Variants in DAGLA observed in about 807,000 individuals in gnomAD.
DAGLA encodes the protein diacylglycerol lipase-alpha.
A neutral mutation model predicts 102.6 loss-of-function variants in DAGLA; 22 were observed. That is an observed-to-expected ratio of 0.21 (90% CI 0.15 to 0.31). The LOEUF (loss-of-function observed/expected upper bound fraction) is 0.31, where lower values mean the gene tolerates loss of function less well. Among genes scored for constraint, DAGLA ranks in the 10% least tolerant of loss-of-function variants. The pLI is 1.00. For missense variants in DAGLA, 927 were observed against 1,446.6 expected (o/e 0.64, Z 5.83); for synonymous variants, 578 against 628.9 (o/e 0.92, Z 1.21).
intron 8 of DAGLA, 79 bp downstream of exon 8, chr11:61,729,087 C>T (rs1052695085): frequency 7.5e-7 from 1 of 1,334,062 alleles, no homozygotes; most frequent in Non-Finnish European, 1.1e-6. Flanking sequence ...AAACTCCTCC[C>T]AGCTGCCCTT....
chr11:61,710,652 T>TTCCA (rs1171587802), intron 1 of DAGLA, among the ~76,000 whole-genome samples: 1 of 152,016 alleles, frequency 6.6e-6, no homozygotes, highest in Non-Finnish European at 1.5e-5. Flanking sequence ...GTCAGAGGAT[T>TTCCA]ATGCAGGCTG....
chr11:61,687,291 C>T (rs1397365162), intron 1 of DAGLA, among the ~76,000 whole-genome samples: 1 of 152,090 alleles, frequency 6.6e-6, no homozygotes, highest in East Asian at 1.9e-4. Flanking sequence ...CACACAATCC[C>T]ACCTCCTCCA....
intron 9 of DAGLA, among the ~76,000 whole-genome samples, chr11:61,732,705 C>T (rs1322619503): frequency 6.6e-6 from 1 of 152,146 alleles, no homozygotes; most frequent in Non-Finnish European, 1.5e-5. Context: ...AGGCCCCTGC[C>T]TGGAAGAACC....
chr11:61,687,671 C>G (rs902093775), intron 1 of DAGLA, among the ~76,000 whole-genome samples: 2 of 152,220 alleles, frequency 1.3e-5, no homozygotes, highest in Non-Finnish European at 2.9e-5. Context: ...ATCTGAATAG[C>G]GCTGGCGCCC....
At chr11:61,699,537 G>T (rs558193826) in intron 1 of DAGLA, among the ~76,000 whole-genome samples, 4 of 152,296 alleles carry the variant, frequency 2.6e-5, no homozygotes, top group Non-Finnish European at 5.9e-5. Context: ...GGCATCCCTG[G>T]CCCTGAGGTC....
At chr11:61,692,828 G>A (rs554364592) in intron 1 of DAGLA, among the ~76,000 whole-genome samples, 2 of 152,004 alleles carry the variant, frequency 1.3e-5, no homozygotes, top group South Asian at 4.1e-4. Flanking sequence ...CAATAATGAG[G>A]AAAGATGGCG....
intron 6 of DAGLA, among the ~76,000 whole-genome samples, 152 bp from the exon 7 acceptor site, chr11:61,728,000 TG>T (rs1311683712): frequency 6.6e-6 from 1 of 152,128 alleles, no homozygotes; most frequent in Admixed American, 6.5e-5. Flanking sequence ...TCAGGCTCAG[TG>T]GGCGCTGTGG....
chr11:61,686,417 T>C lies in DAGLA; in HGVS notation c.-45+5913T>C, dbSNP rs2064985788. ...GAGGGGGTTCCAGTGTTCACAGCAC[T>C]TATTTCCAGGCATTTGATCATTTTC... On this transcript the variant is annotated intron_variant, in intron 1 of 19. Transcript: ENST00000257215. This position sits in a 1 kb window ranked among gnomAD's most constrained non-coding sequence, Gnocchi z 5.2. Among the ~76,000 whole-genome samples, 1 of 152,208 alleles carries C rather than the reference T, an allele frequency of 6.6e-6. No homozygotes were observed. The highest frequency in any genetic ancestry group is 2.1e-4 in the South Asian group (1 of 4,834).
At position 61,728,976 on chromosome 11, in the gene DAGLA, A is replaced by G. The variant is rs1232225368; in HGVS notation, c.817A>G (p.Arg273Gly). 6.2e-7 allele frequency: 1 copy of G among 1,614,086 alleles called. No individual in the cohort carries two copies. Among genetic ancestry groups the G allele is most frequent in the Non-Finnish European group, 8.5e-7 (1 of 1,180,036 alleles). Residue 273 changes from arginine to glycine, a missense_variant, in exon 8 of 20, where the codon AGA becomes GGA. Physicochemically the swap from Arg to Gly is moderately radical, Grantham distance 125 (BLOSUM62 -2). Coordinates refer to ENST00000257215, the MANE Select transcript of DAGLA (RefSeq NM_006133.3). ...LAFLSGMPVT[R>G]NTKYLDLKNS... ...CTTCCTGTCTGGGATGCCGGTGACCAGAAACACCAAGTACCTCGACCTCAA... is the reference window on the plus strand; with the variant it reads ...CTTCCTGTCTGGGATGCCGGTGACCGGAAACACCAAGTACCTCGACCTCAA...
At chr11:61,741,641 C>T (rs12788994) in intron 19 of DAGLA, among the ~76,000 whole-genome samples, 30,737 of 145,740 alleles carry the variant, frequency 0.21, 3,310 homozygotes, top group South Asian at 0.35. Context: ...GACGAAGTCT[C>T]GCTCTTTTCC....
At chr11:61,725,303 C>T (rs1360067621) in intron 5 of DAGLA, among the ~76,000 whole-genome samples, 1 of 152,170 alleles carries the variant, frequency 6.6e-6, no homozygotes, top group East Asian at 1.9e-4. Flanking sequence ...GGTACAGACT[C>T]CTGGAGACCC....
chr11:61,682,741 G>C (rs762195092), intron 1 of DAGLA, among the ~76,000 whole-genome samples: 1 of 151,580 alleles, frequency 6.6e-6, no homozygotes, highest in African/African-American at 2.4e-5. Flanking sequence ...TCACATCAGC[G>C]TCTTTTGGGC....
At chr11:61,725,683 G>A (rs1026984300) in intron 5 of DAGLA, among the ~76,000 whole-genome samples, 1 of 152,140 alleles carries the variant, frequency 6.6e-6, no homozygotes, top group African/African-American at 2.4e-5. Flanking sequence ...GCCTGCCTGT[G>A]TTCAGTCTTC....
At position 61,688,835 on chromosome 11, in the gene DAGLA, G is replaced by A. The variant is rs1180987029; in HGVS notation, c.-45+8331G>A. Among the ~76,000 whole-genome samples, 6 of 152,244 alleles carry A rather than the reference G, an allele frequency of 3.9e-5. No homozygotes were observed. The South Asian group carries it at 8.3e-4, about 21-fold the overall frequency. On this transcript the variant is annotated intron_variant, in intron 1 of 19. Transcript: ENST00000257215. Reference sequence around the variant, plus strand: ...CCCTGTGTCTGTTCCGGAAAGCGACGGGGCCACCAGCCTCACAGTGGCAAG... The same window carrying A: ...CCCTGTGTCTGTTCCGGAAAGCGACAGGGCCACCAGCCTCACAGTGGCAAG...
At position 61,737,772 on chromosome 11, in the gene DAGLA, G is replaced by C. The variant is rs377516874; in HGVS notation, c.1583+17G>C. On this transcript the variant is annotated intron_variant, in intron 15 of 19. Coordinates refer to ENST00000257215, the MANE Select transcript of DAGLA (RefSeq NM_006133.3). ...CGTCCCCAGGTGAGTCCTTGGCCCC[G>C]CTCCATGGTCCCTTGCCAGGCTGTT... is the stretch of plus-strand genomic sequence containing the variant. The C allele has an allele frequency of 1.2e-6, 2 of 1,611,798 alleles. No individual in the cohort carries two copies. The highest frequency in any genetic ancestry group is 3.3e-5 in the Admixed American group (2 of 60,010).
At chr11:61,726,446 T>C (rs2065327949) in intron 6 of DAGLA, among the ~76,000 whole-genome samples, 1 of 152,266 alleles carries the variant, frequency 6.6e-6, no homozygotes, top group South Asian at 2.1e-4. Flanking sequence ...GCAAAGCCGA[T>C]AGGCGTTTAG....
At chr11:61,724,783 G>C (rs1020774280) in intron 5 of DAGLA, among the ~76,000 whole-genome samples, 1 of 152,170 alleles carries the variant, frequency 6.6e-6, no homozygotes, top group Non-Finnish European at 1.5e-5. Flanking sequence ...TGGGAACCCT[G>C]CTTGGCCAGC....
chr11:61,711,624 A>G (rs1276567940), intron 1 of DAGLA, among the ~76,000 whole-genome samples: 1 of 152,238 alleles, frequency 6.6e-6, no homozygotes, highest in Non-Finnish European at 1.5e-5. Flanking sequence ...AATAACCAGC[A>G]GGAAACGAAA....
In DAGLA at chr11:61,735,590, G is replaced by C. The variant is rs2065416053; in HGVS notation, c.1158G>C (p.Val386=). The C allele has an allele frequency of 1.2e-6, 2 of 1,614,086 alleles. No homozygotes were observed. Among genetic ancestry groups the C allele is most frequent in the Non-Finnish European group, 1.7e-6 (2 of 1,179,960 alleles). The change falls in exon 11 of 20, where the codon GTG becomes GTC. Residue 386 remains valine (V), a synonymous_variant. Transcript: ENST00000257215. ...AVYETPFYVA[V]DHDKKKVVIS... is the part of the protein sequence containing the mutation. ...ATGAAACGCCCTTCTACGTGGCGGT[G>C]GACCATGACAAGAAGAAAGTGGTGA...
Sources: allele counts gnomAD v4.1 joint callset (sites outside exome capture counted in the v4.1 genomes callset), GRCh38; gene constraint gnomAD v4.1.1; non-coding constraint Gnocchi (gnomAD v3.1); transcripts MANE v1.5; gene names NCBI Gene and HGNC (gene_info 2026-07-23, HGNC 2026-07-21).